KCNT1: variants seen among roughly 807,000 people sequenced by gnomAD.
KCNT1 encodes potassium sodium-activated channel subfamily T member 1, also known as potassium channel subfamily T member 1.
Under a neutral mutation model 147.8 loss-of-function variants are expected in KCNT1, and 78 were observed. The ratio of observed to expected loss-of-function variants is 0.53; its 90% CI spans 0.44 to 0.64. The LOEUF (loss-of-function observed/expected upper bound fraction) is 0.64, where lower values mean the gene tolerates loss of function less well. Among genes scored for constraint, KCNT1 ranks in the 30% least tolerant of loss-of-function variants. KCNT1 has a pLI of 0.00. For synonymous variants in KCNT1, 867 were observed against 748.8 expected (o/e 1.16, Z -2.58); for missense variants, 1,419 against 1,750.3 (o/e 0.81, Z 3.38).
chr9:135,761,920 GAGCCCC>G (rs1313576040), intron 11 of KCNT1, among the ~76,000 whole-genome samples: 3 of 152,214 alleles, frequency 2.0e-5, no homozygotes, highest in East Asian at 3.8e-4. Flanking sequence ...GAGCGAAGAG[GAGCCCC>G]AGCCCCAGCC....
At chr9:135,746,039 G>C (rs1047687178) in intron 2 of KCNT1, among the ~76,000 whole-genome samples, 4 of 152,266 alleles carry the variant, frequency 2.6e-5, no homozygotes, top group African/African-American at 9.6e-5. Flanking sequence ...TGCGTGACTC[G>C]TGAAGACAGA....
At chr9:135,783,062 G>C (rs1833729113) in intron 24 of KCNT1, among the ~76,000 whole-genome samples, 2 of 152,230 alleles carry the variant, frequency 1.3e-5, no homozygotes, top group African/African-American at 4.8e-5. Flanking sequence ...ACGCCTGCCT[G>C]TGCACACTTG....
chr9:135,708,289 TTGTA>T (rs1835339573), intron 1 of KCNT1, among the ~76,000 whole-genome samples: 1 of 152,238 alleles, frequency 6.6e-6, no homozygotes, highest in Admixed American at 6.5e-5. Flanking sequence ...TACATGCACA[TTGTA>T]CATACATGCA....
At chr9:135,716,480 C>G (rs567299378) in intron 2 of KCNT1, among the ~76,000 whole-genome samples, 3 of 152,278 alleles carry the variant, frequency 2.0e-5, no homozygotes, top group African/African-American at 7.2e-5. Flanking sequence ...ATACATAAAA[C>G]AGAATTTACC....
chr9:135,755,163 G>C lies in KCNT1; in HGVS notation c.534G>C (p.Ala178=), dbSNP rs144250793. The C allele has an allele frequency of 1.4e-5, 23 of 1,610,978 alleles. No individual in the cohort carries two copies. Among genetic ancestry groups the C allele is most frequent in the Non-Finnish European group, 1.9e-5 (22 of 1,178,500 alleles). ...TGGAGAGAAAGATGACACTGTGGGC[G>C]ATCCAGGTGAGTGCCCTACCCTGCC... The part of the protein sequence containing the change: ...LWVERKMTLW[A]IQVIVAIISF... The change falls in exon 6 of 31, where the codon GCG becomes GCC. Residue 178 remains alanine (A), a synonymous_variant. Coordinates refer to ENST00000371757, the MANE Select transcript of KCNT1 (RefSeq NM_020822.3).
rs756396195 is a variant in KCNT1, at chr9:135,768,596, C to T, written c.1338-14C>T. The T allele has an allele frequency of 9.0e-6, 14 of 1,549,846 alleles. No individual in the cohort carries two copies. The South Asian group carries it at 1.7e-4, about 18-fold the overall frequency. On this transcript the variant is annotated splice_polypyrimidine_tract_variant and intron_variant, in intron 13 of 30. Transcript: ENST00000371757. Reference sequence around the variant, plus strand: ...CCCCTGCTCCACCCACGCTCAGGCCCTGGTGCATTGCAGGATGGACAATGG... The same window carrying T: ...CCCCTGCTCCACCCACGCTCAGGCCTTGGTGCATTGCAGGATGGACAATGG...
rs767500906 is a variant in KCNT1, at chr9:135,786,538, C to T, written c.3502+17C>T. The T allele has an allele frequency of 1.1e-4, 171 of 1,566,128 alleles. No homozygotes were observed. Among genetic ancestry groups the T allele is most frequent in the South Asian group, 6.2e-4 (53 of 85,878 alleles). On this transcript the variant is annotated intron_variant, in intron 29 of 30. Coordinates refer to ENST00000371757, the MANE Select transcript of KCNT1 (RefSeq NM_020822.3). ...CCGGCTACGGTAAGGGCACACGGCG[C>T]GGGTGGGGGCCGGACGGACGGACTG... is the stretch of plus-strand genomic sequence containing the variant.
At chr9:135,746,569 GC>G (rs965848458) in intron 2 of KCNT1, among the ~76,000 whole-genome samples, 1 of 152,246 alleles carries the variant, frequency 6.6e-6, no homozygotes, top group Non-Finnish European at 1.5e-5. Flanking sequence ...GCCAAGGGGA[GC>G]CCAGGGGGAC....
Position 135,730,800 on chromosome 9 carries a change from A to T in KCNT1, c.254+16080A>T, listed in dbSNP as rs995539539. Reference sequence around the variant, plus strand: ...CAGGAGTTCCAGACCAGCCTGGGCAACATGGCAAAACCCTGTCTCTACAAA... The same window carrying T: ...CAGGAGTTCCAGACCAGCCTGGGCATCATGGCAAAACCCTGTCTCTACAAA... On this transcript the variant is annotated intron_variant, in intron 2 of 30. Transcript: ENST00000371757. The surrounding 1 kb of genome is among the most constrained non-coding windows in gnomAD (Gnocchi z 4.7). Among the ~76,000 whole-genome samples the T allele has an allele frequency of 6.6e-6, 1 of 152,094 alleles. No individual in the cohort carries two copies. Among genetic ancestry groups the T allele is most frequent in the Non-Finnish European group, 1.5e-5 (1 of 68,016 alleles).
At chr9:135,705,741 G>A (rs974402083) in intron 1 of KCNT1, among the ~76,000 whole-genome samples, 12 of 152,252 alleles carry the variant, frequency 7.9e-5, no homozygotes, top group African/African-American at 2.2e-4. Context: ...CTGAGGCCAG[G>A]ATGCGATTGG....
chr9:135,758,060 C>CT (rs397711782), intron 9 of KCNT1, among the ~76,000 whole-genome samples: 19 of 152,198 alleles, frequency 1.2e-4, no homozygotes, highest in East Asian at 7.7e-4. Context: ...GCAGGCTGCC[C>CT]GTGGGCCTCA....
chr9:135,745,491 G>A (rs946556748), intron 2 of KCNT1, among the ~76,000 whole-genome samples: 11 of 152,340 alleles, frequency 7.2e-5, no homozygotes, highest in Non-Finnish European at 1.0e-4. Flanking sequence ...GAAGGCCTGC[G>A]CTGTCTCTTT....
intron 21 of KCNT1, among the ~76,000 whole-genome samples, chr9:135,777,946 TCCTCCCCA>T (rs1345695626): frequency 1.3e-5 from 2 of 148,928 alleles, no homozygotes; most frequent in African/African-American, 2.5e-5. Flanking sequence ...GGCCACCAGC[TCCTCCCCA>T]CTCCCAGTTC....
At chr9:135,788,188 C>G (rs1202479228) in intron 29 of KCNT1, 3 of 1,600,560 alleles carry the variant, frequency 1.9e-6, no homozygotes, top group Middle Eastern at 1.7e-4. Flanking sequence ...CGGGTGCCGA[C>G]CACCGCACAA....
At chr9:135,768,344 T>TGGCGG (rs1554774208) in intron 13 of KCNT1, 22 of 25,730 alleles carry the variant, frequency 8.6e-4, no homozygotes, top group South Asian at 1.3e-3. Flanking sequence ...TGATGTGGGT[T>TGGCGG]GGGGGGGGGG....
chr9:135,714,969 T>A lies in KCNT1; in HGVS notation c.254+249T>A, dbSNP rs1273716333. ...GCTGCGGAGTCTTCCAGAGCCCGAC[T>A]TGGGGCGCGGAGGCGGAGGGCGGCC... On this transcript the variant is annotated intron_variant, in intron 2 of 30. Transcript: ENST00000371757. This position sits in a 1 kb window ranked among gnomAD's most constrained non-coding sequence, Gnocchi z 6.2. Among the ~76,000 whole-genome samples, 1 of 152,206 alleles carries A rather than the reference T, an allele frequency of 6.6e-6. No homozygotes were observed. Among genetic ancestry groups the A allele is most frequent in the Non-Finnish European group, 1.5e-5 (1 of 68,028 alleles).
At chr9:135,728,925 C>T (rs774171572) in intron 2 of KCNT1, among the ~76,000 whole-genome samples, 3 of 152,154 alleles carry the variant, frequency 2.0e-5, no homozygotes, top group Non-Finnish European at 2.9e-5. Context: ...ACATGGTGTT[C>T]GGGATTGAAC....
chr9:135,732,044 A>AGAGT (rs1836507050), intron 2 of KCNT1, among the ~76,000 whole-genome samples: 1 of 134,804 alleles, frequency 7.4e-6, no homozygotes, highest in African/African-American at 2.7e-5. Flanking sequence ...AGAGAGAGGG[A>AGAGT]GTCTCACTCT....
intron 2 of KCNT1, among the ~76,000 whole-genome samples, chr9:135,744,473 A>G (rs1051153527): frequency 3.3e-5 from 5 of 152,182 alleles, no homozygotes; most frequent in African/African-American, 1.2e-4. Context: ...GCCTTGCAGG[A>G]CTGGGGCAGA....
Sources: allele counts gnomAD v4.1 joint callset (sites outside exome capture counted in the v4.1 genomes callset), GRCh38; gene constraint gnomAD v4.1.1; non-coding constraint Gnocchi (gnomAD v3.1); transcripts MANE v1.5; gene names NCBI Gene and HGNC (gene_info 2026-07-23, HGNC 2026-07-21).